The following MIEF1 variants were observed in gnomAD, a reference collection of about 807,000 sequenced individuals.
MIEF1 encodes the protein mitochondrial elongation factor 1.
Under a neutral mutation model 35.1 loss-of-function variants are expected in MIEF1, and 14 were observed. The ratio of observed to expected loss-of-function variants is 0.40; its 90% confidence interval spans 0.26 to 0.62. The LOEUF is 0.62. Ranked by LOEUF, MIEF1 falls within the 20% of genes least tolerant of loss-of-function variation. The pLI is 0.43. For missense variants in MIEF1, 542 were observed against 615.4 expected (o/e 0.88, Z 1.26); for synonymous variants, 245 against 254.3 (o/e 0.96, Z 0.35).
intron 2 of MIEF1, among the ~76,000 whole-genome samples, chr22:39,507,406 T>C (rs929199064): frequency 4.6e-5 from 7 of 151,844 alleles, no homozygotes; most frequent in Non-Finnish European, 7.4e-5. Context: ...CCACCACACC[T>C]GGCTAATTTT....
rs562108740 is a variant in MIEF1, at chr22:39,505,800, T to G, written c.-8+1266T>G. 8.5e-5 allele frequency among the ~76,000 whole-genome samples: 13 copies of G among 152,162 alleles called. No individual in the cohort carries two copies. In the Middle Eastern group the frequency reaches 0.01, roughly 120 times the overall value. On this transcript the variant is annotated intron_variant, in intron 2 of 5. Coordinates refer to ENST00000325301, the MANE Select transcript of MIEF1 (RefSeq NM_019008.6). ...ACCGAGGGGTGGGGGTGGCCACATA[T>G]AAACACAGTGTGTACAGCAGTGGGA...
intron 2 of MIEF1, among the ~76,000 whole-genome samples, chr22:39,507,527 G>C (rs1488424498): frequency 2.0e-5 from 3 of 151,514 alleles, no homozygotes; most frequent in Admixed American, 2.0e-4. Flanking sequence ...TTACAGGCGT[G>C]AGCCACCGTA....
intron 4 of MIEF1, 26 bp from the exon 5 acceptor site, chr22:39,512,206 C>T (rs1050064361): frequency 5.6e-6 from 9 of 1,604,412 alleles, no homozygotes; most frequent in East Asian, 4.5e-5. Context: ...GCAGAGCTCA[C>T]GTGCCTCTCT....
chr22:39,507,552 C>G (rs1330123383), intron 2 of MIEF1, among the ~76,000 whole-genome samples: 1 of 151,060 alleles, frequency 6.6e-6, no homozygotes, highest in African/African-American at 2.4e-5. Flanking sequence ...GCCGAAAAGG[C>G]TTAACAAGCT....
Position 39,512,014 on chromosome 22 carries a change from A to C in MIEF1, c.310A>C (p.Thr104Pro), listed in dbSNP as rs552010977. 1.2e-6 allele frequency: 2 copies of C among 1,612,734 alleles called. No individual in the cohort carries two copies. Among genetic ancestry groups the C allele is most frequent in the Non-Finnish European group, 8.5e-7 (1 of 1,179,462 alleles). Reference sequence around the variant, plus strand: ...GCAGACCCTTCCCACAGACTCCTCCACCTTCGACACAGGTGAGAAGGGCTG... The same window carrying C: ...GCAGACCCTTCCCACAGACTCCTCCCCCTTCGACACAGGTGAGAAGGGCTG... Reference protein sequence around the residue: ...SLQTLPTDSSTFDTDTFCPPR... With the variant: ...SLQTLPTDSSPFDTDTFCPPR... Residue 104 changes from threonine (T) to proline (P), a missense_variant, in exon 4 of 6, where the codon ACC (threonine) becomes CCC (proline). Physicochemically the swap from Thr to Pro is conservative, Grantham distance 38 (BLOSUM62 -1). Coordinates refer to ENST00000325301, the MANE Select transcript of MIEF1 (RefSeq NM_019008.6).
At position 39,512,502 on chromosome 22, in the gene MIEF1, G is replaced by A. The variant is rs1225350442; in HGVS notation, c.585+8G>A. 4 of 1,603,104 alleles carry A rather than the reference G, an allele frequency of 2.5e-6. No individual in the cohort carries two copies. Among genetic ancestry groups the A allele is most frequent in the East Asian group, 2.2e-5 (1 of 44,692 alleles). On this transcript the variant is annotated splice_region_variant and intron_variant, in intron 5 of 5. Transcript: ENST00000325301. ...CTCTACGATGACCTGCAGGTAACAA[G>A]GTGGTTCTCATGGTGGGTGGGGTTT...
chr22:39,509,769 A>C (rs1601747589), intron 2 of MIEF1, among the ~76,000 whole-genome samples: 2 of 152,242 alleles, frequency 1.3e-5, no homozygotes, highest in African/African-American at 4.8e-5. Context: ...CCATGGAGGG[A>C]CCTTTCTCAC....
chr22:39,516,548 TAA>T lies in MIEF1; in HGVS notation c.*2229_*2230del, dbSNP rs1281556533. The T allele has an allele frequency of 6.6e-6, 1 of 151,930 alleles. No individual in the cohort carries two copies. Among genetic ancestry groups the T allele is most frequent in the East Asian group, 1.9e-4 (1 of 5,184 alleles). The allele number at this position is 151,930 out of a possible 1,614,324, so 9.4% of individuals were successfully genotyped here. On this transcript the variant is annotated 3_prime_UTR_variant, in exon 6 of 6. Transcript: ENST00000325301. ...TGAAACCCCGTCTCCACGAAAAAGATAAAAATAAGCTGGGCGTGGTGGCAGGC... is the reference window on the plus strand; with the variant it reads ...TGAAACCCCGTCTCCACGAAAAAGATAAATAAGCTGGGCGTGGTGGCAGGC...
In MIEF1 at chr22:39,515,010, T is replaced by A. The variant is rs1306572736; in HGVS notation, c.*687T>A. ...AATGACCCACACAGGATAAGCTGAA[T>A]GCAAAGTTATTTGCAGGTTGAATTT... On this transcript the variant is annotated 3_prime_UTR_variant, in exon 6 of 6. Transcript: ENST00000325301. 2 of 548,666 alleles carry A rather than the reference T, an allele frequency of 3.6e-6. No individual in the cohort carries two copies. The highest frequency in any genetic ancestry group is 6.4e-6 in the Non-Finnish European group (2 of 310,242). 34.0% of individuals were successfully genotyped at this position (548,666 alleles called of 1,614,324 possible).
chr22:39,503,994 T>G, intron 1 of MIEF1: 1 of 368,108 alleles, frequency 2.7e-6, no homozygotes. Flanking sequence ...AGGGCCAGGA[T>G]TTGAGCCCTG....
chr22:39,513,815 C>T lies in MIEF1; in HGVS notation c.884C>T (p.Ala295Val). ...ATCCGCCCGGCCCCACCCCCAGAAG[C>T]CCTCACACTGGAGGTGCAGTATGAG... ...YVIRPAPPPE[A>V]LTLEVQYERD... The change falls in exon 6 of 6, where the codon GCC becomes GTC. Residue 295 changes from alanine to valine, a missense_variant. Transcript: ENST00000325301. The T allele has an allele frequency of 6.2e-7, 1 of 1,614,162 alleles. No individual in the cohort carries two copies. Among genetic ancestry groups the T allele is most frequent in the Non-Finnish European group, 8.5e-7 (1 of 1,180,046 alleles).
At chr22:39,503,612 C>T (rs1929865599) in intron 1 of MIEF1, 1 of 152,354 alleles carries the variant, frequency 6.6e-6, no homozygotes, top group South Asian at 2.1e-4. Flanking sequence ...AAGTGCTGTT[C>T]TAAACATATT....
At chr22:39,509,824 A>G (rs1292667267) in intron 2 of MIEF1, among the ~76,000 whole-genome samples, 3 of 152,146 alleles carry the variant, frequency 2.0e-5, no homozygotes, top group South Asian at 2.1e-4. Flanking sequence ...TGTTTGGTAC[A>G]TGTTGTTTTG....
rs1432848505 is a variant in MIEF1, at chr22:39,516,305, A to G, written c.*1982A>G. 2 of 152,214 alleles carry G rather than the reference A, an allele frequency of 1.3e-5. No homozygotes were observed. The highest frequency in any genetic ancestry group is 6.5e-5 in the Admixed American group (1 of 15,272). The allele number at this position is 152,214 out of a possible 1,614,324, so 9.4% of individuals were successfully genotyped here. A position where few individuals can be genotyped will look rare whatever the true frequency, so the allele number is the denominator to read the frequency against. ...AGGAGAGGATTGATAGAGTGTTGCA[A>G]AAGTATAGATTATTCATTGAGATAA... is the stretch of plus-strand genomic sequence containing the variant. On this transcript the variant is annotated 3_prime_UTR_variant, in exon 6 of 6. Transcript: ENST00000325301.
In MIEF1 at chr22:39,513,758, G is replaced by T. The variant is rs1371560520; in HGVS notation, c.827G>T (p.Trp276Leu). Residue 276 changes from tryptophan to leucine, a missense_variant, in exon 6 of 6, where the codon TGG (tryptophan) becomes TTG (leucine). Coordinates refer to ENST00000325301, the MANE Select transcript of MIEF1 (RefSeq NM_019008.6). Reference protein sequence around the residue: ...FEKVVAGSINWPAIGSLLDYV... With the variant: ...FEKVVAGSINLPAIGSLLDYV... ...AAGGTAGTGGCTGGCTCCATCAATTGGCCAGCCATAGGGTCCCTCTTGGAC... is the reference window on the plus strand; with the variant it reads ...AAGGTAGTGGCTGGCTCCATCAATTTGCCAGCCATAGGGTCCCTCTTGGAC... The T allele has an allele frequency of 6.2e-7, 1 of 1,614,072 alleles. No individual in the cohort carries two copies. The highest frequency in any genetic ancestry group is 8.5e-7 in the Non-Finnish European group (1 of 1,180,018).
intron 2 of MIEF1, among the ~76,000 whole-genome samples, chr22:39,508,643 T>C (rs17001201): frequency 0.036 from 5,463 of 152,290 alleles, 347 homozygotes; most frequent in African/African-American, 0.13. Flanking sequence ...ATTCCACCTG[T>C]AAATACAAAC....
At chr22:39,502,126 C>G (rs2145737716), upstream of MIEF1, 1 of 152,346 alleles carries the variant, frequency 6.6e-6, no homozygotes, top group South Asian at 2.1e-4. Flanking sequence ...CAGCCGGACC[C>G]GGACACCGGA....
At chr22:39,512,152 C>T in intron 4 of MIEF1, 80 bp from the exon 5 acceptor site, 1 of 1,564,222 alleles carries the variant, frequency 6.4e-7, no homozygotes, top group Non-Finnish European at 8.6e-7. Flanking sequence ...CATGCCAGGC[C>T]CTTCTTTCTG....
At position 39,512,854 on chromosome 22, in the gene MIEF1, G is replaced by A. The variant is rs181559290; in HGVS notation, c.585+360G>A. 7.2e-5 allele frequency among the ~76,000 whole-genome samples: 11 copies of A among 152,178 alleles called. No individual in the cohort carries two copies. In the East Asian group the frequency reaches 1.2e-3, roughly 16 times the overall value. On this transcript the variant is annotated intron_variant, in intron 5 of 5. Transcript: ENST00000325301. The stretch of plus-strand genomic sequence containing the variant: ...AGTAGAGACGGGGTTTTGCCATGCC[G>A]GTCAGGCTGGTCTCGAATTCCTGAC...
Sources: allele counts gnomAD v4.1 joint callset (sites outside exome capture counted in the v4.1 genomes callset), GRCh38; gene constraint gnomAD v4.1.1; transcripts MANE v1.5; gene names NCBI Gene and HGNC (gene_info 2026-07-23, HGNC 2026-07-21).